The following MAGI2 variants were observed in gnomAD, a reference collection of about 807,000 sequenced individuals.
MAGI2 encodes membrane associated guanylate kinase, WW and PDZ domain containing 2.
Under a neutral mutation model 133.3 loss-of-function variants are expected in MAGI2, and 35 were observed. The observed-to-expected ratio is 0.26, with a 90% CI of 0.20 to 0.35. The LOEUF (loss-of-function observed/expected upper bound fraction) is 0.35, where lower values mean the gene tolerates loss of function less well. Among genes scored for constraint, MAGI2 ranks in the 10% least tolerant of loss-of-function variants. The pLI is 1.00. For missense variants in MAGI2, 1,636 were observed against 1,863.4 expected, an observed-to-expected ratio of 0.88 and a Z score of 2.25; for synonymous variants, 729 against 710.6, an observed-to-expected ratio of 1.03 and a Z score of -0.41.
chr7:78,889,083 C>G (rs1000213359), intron 2 of MAGI2, among the ~76,000 whole-genome samples: 1 of 152,172 alleles, frequency 6.6e-6, no homozygotes, highest in African/African-American at 2.4e-5. Context: ...ATGACGAATG[C>G]ACTAGCCTCA....
intron 7 of MAGI2, among the ~76,000 whole-genome samples, chr7:78,361,714 T>C (rs1259156411): frequency 1.3e-5 from 2 of 152,130 alleles, no homozygotes; most frequent in Non-Finnish European, 2.9e-5. Context: ...ACCAGAAGAT[T>C]TGTTAAGTAA....
intron 18 of MAGI2, 125 bp downstream of exon 18, chr7:78,132,764 G>A (rs536761393): frequency 7.3e-7 from 1 of 1,368,340 alleles, no homozygotes; most frequent in Non-Finnish European, 1.0e-6. Context: ...TCACACAAAG[G>A]TATGCACGGC....
intron 3 of MAGI2, among the ~76,000 whole-genome samples, chr7:78,531,323 C>G (rs1159802870): frequency 6.6e-6 from 1 of 151,164 alleles, no homozygotes; most frequent in African/African-American, 2.4e-5. Flanking sequence ...AAGCGATTCT[C>G]CTGCCTCAGT....
chr7:78,381,236 A>G (rs1334948060), intron 6 of MAGI2, among the ~76,000 whole-genome samples: 1 of 152,090 alleles, frequency 6.6e-6, no homozygotes, highest in Non-Finnish European at 1.5e-5. Context: ...AATCTCAGCT[A>G]CTCGGGAGGC....
intron 2 of MAGI2, among the ~76,000 whole-genome samples, chr7:78,666,318 G>A (rs1297241749): frequency 6.6e-6 from 1 of 152,124 alleles, no homozygotes; most frequent in Non-Finnish European, 1.5e-5. Flanking sequence ...ATCTTAATGA[G>A]GGAAGAGTAA....
intron 1 of MAGI2, among the ~76,000 whole-genome samples, chr7:79,430,843 A>G (rs1267024033): frequency 2.0e-5 from 3 of 152,238 alleles, no homozygotes; most frequent in Non-Finnish European, 4.4e-5. Context: ...AAACTATGCC[A>G]TAGTGTTAAA....
At chr7:79,266,435 C>A (rs931544103) in intron 1 of MAGI2, among the ~76,000 whole-genome samples, 3 of 152,010 alleles carry the variant, frequency 2.0e-5, no homozygotes, top group Admixed American at 6.6e-5. Flanking sequence ...CCCTGATTAC[C>A]CACAGAAGAT....
At chr7:78,853,144 G>T (rs1793284714) in intron 2 of MAGI2, among the ~76,000 whole-genome samples, 1 of 151,790 alleles carries the variant, frequency 6.6e-6, no homozygotes, top group Non-Finnish European at 1.5e-5. Flanking sequence ...ATTCGATCAA[G>T]AACGGGCCAG....
chr7:79,123,118 T>G (rs1030020209), intron 1 of MAGI2, among the ~76,000 whole-genome samples: 12 of 152,318 alleles, frequency 7.9e-5, no homozygotes, highest in Middle Eastern at 6.8e-3. Flanking sequence ...TACTGCAAAC[T>G]ATTGTCTTCT....
intron 1 of MAGI2, among the ~76,000 whole-genome samples, chr7:79,127,324 A>T (rs1820511496): frequency 6.6e-6 from 1 of 152,130 alleles, no homozygotes; most frequent in African/African-American, 2.4e-5. Flanking sequence ...CAGTAATGGG[A>T]TGGCTGGGTC....
chr7:78,426,020 A>G (rs1799244108), intron 6 of MAGI2, among the ~76,000 whole-genome samples: 1 of 152,238 alleles, frequency 6.6e-6, no homozygotes, highest in Admixed American at 6.5e-5. Flanking sequence ...CATTAACCCC[A>G]AAATGATTAT....
intron 2 of MAGI2, among the ~76,000 whole-genome samples, chr7:78,860,248 C>A (rs553122480): frequency 6.6e-6 from 1 of 152,348 alleles, no homozygotes; most frequent in South Asian, 2.1e-4. Flanking sequence ...TCTCTCAACT[C>A]TTCAAAGTCA....
intron 1 of MAGI2, among the ~76,000 whole-genome samples, chr7:79,200,996 C>G (rs1828560851): frequency 6.6e-6 from 1 of 151,934 alleles, no homozygotes; most frequent in Non-Finnish European, 1.5e-5. Flanking sequence ...GTCACGAGTA[C>G]ACACATTTGT....
intron 20 of MAGI2, among the ~76,000 whole-genome samples, chr7:78,112,276 TTTTAC>T (rs1819434107): frequency 6.6e-6 from 1 of 152,228 alleles, no homozygotes; most frequent in Non-Finnish European, 1.5e-5. Context: ...TTTGACCTTA[TTTTAC>T]TTTATTTCCA....
At chr7:78,558,247 C>A (rs990264290) in intron 3 of MAGI2, among the ~76,000 whole-genome samples, 7 of 152,056 alleles carry the variant, frequency 4.6e-5, no homozygotes, top group Non-Finnish European at 7.4e-5. Context: ...AAGAAAGAGA[C>A]AAACGTTAAT....
intron 9 of MAGI2, among the ~76,000 whole-genome samples, chr7:78,333,675 T>C (rs567155611): frequency 1.3e-5 from 2 of 152,214 alleles, no homozygotes. Flanking sequence ...TACCTTGTCA[T>C]TGAGACTGTG....
chr7:78,563,507 C>T (rs1048886134), intron 3 of MAGI2, among the ~76,000 whole-genome samples: 7 of 152,222 alleles, frequency 4.6e-5, no homozygotes, highest in Non-Finnish European at 7.3e-5. Context: ...AAACGACAGA[C>T]GAGAGCCACT....
At chr7:78,333,580 G>A (rs1789451589) in intron 9 of MAGI2, among the ~76,000 whole-genome samples, 1 of 152,198 alleles carries the variant, frequency 6.6e-6, no homozygotes, top group South Asian at 2.1e-4. Flanking sequence ...AATGGAATGA[G>A]GTGGAAGTGA....
At chr7:79,246,229 C>G (rs989415981) in intron 1 of MAGI2, among the ~76,000 whole-genome samples, 6 of 152,174 alleles carry the variant, frequency 3.9e-5, no homozygotes, top group African/African-American at 1.4e-4. Context: ...CCCAACTCTT[C>G]AATGCCCAGA....
Sources: allele counts gnomAD v4.1 joint callset (sites outside exome capture counted in the v4.1 genomes callset), GRCh38; gene constraint gnomAD v4.1.1; transcripts MANE v1.5; gene names NCBI Gene and HGNC (gene_info 2026-07-23, HGNC 2026-07-21).